The following PNO1 variants were observed in gnomAD, a reference collection of about 807,000 sequenced individuals.
PNO1 encodes RNA-binding protein PNO1.
A neutral mutation model predicts 28.4 loss-of-function variants in PNO1; 16 were observed. The ratio of observed to expected loss-of-function variants is 0.56; its 90% CI spans 0.38 to 0.85. PNO1 has a LOEUF of 0.85. Among genes scored for constraint, PNO1 ranks in the 40% least tolerant of loss-of-function variants. The pLI is 0.00. For missense variants in PNO1, 304 were observed against 312.2 expected, an observed-to-expected ratio of 0.97 and a Z score of 0.20; for synonymous variants, 115 against 110.8, an observed-to-expected ratio of 1.04 and a Z score of -0.24.
In PNO1 at chr2:68,162,604, A is replaced by C. The variant is rs1673864715; in HGVS notation, c.561A>C (p.Gly187=). 1.2e-6 allele frequency: 2 copies of C among 1,613,904 alleles called. No homozygotes were observed. The highest frequency in any genetic ancestry group is 3.3e-5 in the Admixed American group (2 of 60,006). The part of the protein sequence containing the change: ...SRAIGRIAGK[G]GKTKFTIENV... The stretch of plus-strand genomic sequence containing the variant: ...CAATAGGAAGAATCGCTGGCAAAGG[A>C]GGAAAAACCAAATTCACCATAGAGA... The change falls in exon 5 of 7, where the codon GGA becomes GGC. Residue 187 remains glycine, a synonymous_variant. Coordinates refer to ENST00000263657, the MANE Select transcript of PNO1 (RefSeq NM_020143.4).
chr2:68,168,179 G>GTTATA (rs1558620869), intron 5 of PNO1, among the ~76,000 whole-genome samples: 1 of 152,200 alleles, frequency 6.6e-6, no homozygotes, highest in Non-Finnish European at 1.5e-5. Flanking sequence ...TATTTAACAG[G>GTTATA]TTATAGGAGG....
chr2:68,174,163 G>C (rs1205663838), intron 6 of PNO1, among the ~76,000 whole-genome samples: 1 of 151,968 alleles, frequency 6.6e-6, no homozygotes, highest in East Asian at 1.9e-4. Context: ...CAGAAAATTG[G>C]GATTTTCTGG....
At chr2:68,173,697 C>T (rs1674195091) in intron 6 of PNO1, among the ~76,000 whole-genome samples, 1 of 151,214 alleles carries the variant, frequency 6.6e-6, no homozygotes, top group Admixed American at 6.6e-5. Context: ...ATTCTCCTGC[C>T]TCAGACTCAT....
At chr2:68,166,253 G>GT (rs1673993576) in intron 5 of PNO1, among the ~76,000 whole-genome samples, 1 of 152,184 alleles carries the variant, frequency 6.6e-6, no homozygotes, top group Non-Finnish European at 1.5e-5. Flanking sequence ...GAAAATCCAT[G>GT]TATGTATGAC....
chr2:68,161,467 G>C, intron 2 of PNO1: 1 of 538,034 alleles, frequency 1.9e-6, no homozygotes, highest in East Asian at 3.4e-5. Flanking sequence ...ACACTCTTTG[G>C]GTGGAACAGC....
intron 5 of PNO1, among the ~76,000 whole-genome samples, chr2:68,165,316 A>G (rs1242798125): frequency 6.9e-6 from 1 of 144,778 alleles, no homozygotes; most frequent in Non-Finnish European, 1.5e-5. Context: ...GTGAGCCGAG[A>G]TCCCGCCACT....
At chr2:68,172,148 A>T (rs747877888) in intron 5 of PNO1, among the ~76,000 whole-genome samples, 21 of 152,192 alleles carry the variant, frequency 1.4e-4, no homozygotes, top group Admixed American at 2.0e-4. Flanking sequence ...ATGATCGAGC[A>T]TGGTGATGGG....
chr2:68,162,244 G>C, intron 3 of PNO1, 21 bp from the exon 4 acceptor site: 2 of 1,588,420 alleles, frequency 1.3e-6, no homozygotes, highest in Non-Finnish European at 8.6e-7. Flanking sequence ...GGGCTTCACG[G>C]TGTTTGTTTT....
In PNO1 at chr2:68,161,614, A is replaced by G. The variant is rs1673833096; in HGVS notation, c.358-69A>G. 45 of 939,998 alleles carry G rather than the reference A, an allele frequency of 4.8e-5. No individual in the cohort carries two copies. In the South Asian group the frequency reaches 5.6e-4, roughly 12 times the overall value. 58.2% of individuals were successfully genotyped at this position (939,998 alleles called of 1,614,324 possible). A position where few individuals can be genotyped will look rare whatever the true frequency, so the allele number is the denominator to read the frequency against. On this transcript the variant is annotated intron_variant, in intron 2 of 6. Coordinates refer to ENST00000263657, the MANE Select transcript of PNO1 (RefSeq NM_020143.4). ...TCCAATAATGGGAAAGGACATTTCC[A>G]GTATTTTGTTAGGACATTTTCTGTT...
rs187804206 is a variant in PNO1, at chr2:68,161,812, A to G, written c.441+46A>G. Reference sequence around the variant, plus strand: ...TAAAATGGGGACTTTAAAAATATTCAATGTGAACATTTCAATGGATTAGGC... The same window carrying G: ...TAAAATGGGGACTTTAAAAATATTCGATGTGAACATTTCAATGGATTAGGC... On this transcript the variant is annotated intron_variant, in intron 3 of 6. Coordinates refer to ENST00000263657, the MANE Select transcript of PNO1 (RefSeq NM_020143.4). The G allele has an allele frequency of 1.4e-3, 1,818 of 1,262,122 alleles. 11 individuals are homozygous for G. Among genetic ancestry groups the G allele is most frequent in the South Asian group, 8.5e-3 (705 of 82,804 alleles). The allele number at this position is 1,262,122 out of a possible 1,614,324, so 78.2% of individuals were successfully genotyped here. A position where few individuals can be genotyped will look rare whatever the true frequency, so the allele number is the denominator to read the frequency against.
intron 2 of PNO1, chr2:68,161,441 T>G (rs1673825743): frequency 2.0e-6 from 1 of 495,062 alleles, no homozygotes; most frequent in East Asian, 4.1e-5. Flanking sequence ...GATCATATAG[T>G]GCGGTTAGTT....
Position 68,158,408 on chromosome 2 carries a change from C to T in PNO1, c.236C>T (p.Pro79Leu). Residue 79 changes from proline (P) to leucine (L), a missense_variant, in exon 2 of 7, where the codon CCA (proline) becomes CTA (leucine). Coordinates refer to ENST00000263657, the MANE Select transcript of PNO1 (RefSeq NM_020143.4). ...LSGKEETRKI[P>L]VPANRYTPLK... ...GGGAAAGAAGAAACAAGGAAAATTC[C>T]AGTCCCAGCTAACAGATACACACCA... 2 of 1,611,584 alleles carry T rather than the reference C, an allele frequency of 1.2e-6. No homozygotes were observed. The highest frequency in any genetic ancestry group is 1.7e-6 in the Non-Finnish European group (2 of 1,179,210).
chr2:68,159,964 A>AT (rs1206527655), intron 2 of PNO1, among the ~76,000 whole-genome samples: 27,452 of 116,920 alleles, frequency 0.23, 3,699 homozygotes, highest in African/African-American at 0.31. Context: ...ACAAAAAAAA[A>AT]TTTTTTTTTT....
chr2:68,161,850 A>G, intron 3 of PNO1, 84 bp downstream of exon 3: 1 of 947,676 alleles, frequency 1.1e-6, no homozygotes, highest in East Asian at 2.5e-5. Context: ...TAAAAAAAAA[A>G]AAGGCCAGGC....
In PNO1 at chr2:68,162,308, C is replaced by G; in HGVS notation, c.485C>G (p.Ser162Cys). Reference protein sequence around the residue: ...LIRLDDLFLESFEITDVKPLK... With the variant: ...LIRLDDLFLECFEITDVKPLK... ...AGGTTGGATGACCTCTTCCTAGAGT[C>G]TTTTGAAATTACAGATGGTGAGTGT... is the stretch of plus-strand genomic sequence containing the variant. Residue 162 changes from serine to cysteine, a missense_variant, in exon 4 of 7, where the codon TCT (serine) becomes TGT (cysteine). Transcript: ENST00000263657. 2 of 1,612,358 alleles carry G rather than the reference C, an allele frequency of 1.2e-6. No individual in the cohort carries two copies. Among genetic ancestry groups the G allele is most frequent in the Non-Finnish European group, 1.7e-6 (2 of 1,178,782 alleles).
Position 68,158,033 on chromosome 2 carries a change from AC to A in PNO1, c.100del (p.Gln34SerfsTer36), listed in dbSNP as rs754677401. The part of the protein sequence containing the change: ...GRRAKKRQAE[Q>X]LSAAGEGGDA... ...GACGGGCGAAGAAACGACAGGCTGA[AC>A]AGCTGTCCGCAGCAGGAGAGGGCGG... is the stretch of plus-strand genomic sequence containing the variant. On this transcript the variant is annotated frameshift_variant, in exon 1 of 7. Coordinates refer to ENST00000263657, the MANE Select transcript of PNO1 (RefSeq NM_020143.4). LOFTEE classifies it high-confidence loss of function. 1 of 1,614,132 alleles carries A rather than the reference AC, an allele frequency of 6.2e-7. No homozygotes were observed. Among genetic ancestry groups the A allele is most frequent in the South Asian group, 1.1e-5 (1 of 91,092 alleles).
Position 68,174,870 on chromosome 2 carries a change from C to A in PNO1, c.*68C>A. 3 of 977,200 alleles carry A rather than the reference C, an allele frequency of 3.1e-6. No individual in the cohort carries two copies. The highest frequency in any genetic ancestry group is 3.2e-6 in the Non-Finnish European group (2 of 621,220). 60.5% of individuals were successfully genotyped at this position (977,200 alleles called of 1,614,324 possible). ...AAAAATACTTTACAGTGGTCGGTCA[C>A]AAGAAACCAGCTGAACAATTTCAGT... On this transcript the variant is annotated 3_prime_UTR_variant, in exon 7 of 7. Coordinates refer to ENST00000263657, the MANE Select transcript of PNO1 (RefSeq NM_020143.4).
intron 5 of PNO1, among the ~76,000 whole-genome samples, chr2:68,169,634 G>A (rs1674077808): frequency 6.6e-6 from 1 of 152,114 alleles, no homozygotes; most frequent in Non-Finnish European, 1.5e-5. Context: ...GACTACAAAT[G>A]GCATCATATA....
At chr2:68,170,495 C>T (rs1447461929) in intron 5 of PNO1, among the ~76,000 whole-genome samples, 1 of 152,166 alleles carries the variant, frequency 6.6e-6, no homozygotes, top group Non-Finnish European at 1.5e-5. Flanking sequence ...CACCTGTAAT[C>T]CCAGCACTTT....
Sources: gnomAD v4.1 joint callset for allele counts (sites outside exome capture counted in the v4.1 genomes callset) on GRCh38, gnomAD v4.1.1 for gene constraint, MANE v1.5 for transcripts, NCBI Gene and HGNC (gene_info 2026-07-23, HGNC 2026-07-21) for gene names.